The following SLC15A2 variants were observed in gnomAD, a reference collection of about 807,000 sequenced individuals.
SLC15A2 encodes the protein solute carrier family 15 member 2, also known as kidney H(+)/peptide cotransporter.
In SLC15A2, 77 loss-of-function variants were observed where a neutral mutation model predicts 95.5. That is an observed-to-expected ratio of 0.81 (90% CI 0.67 to 0.97). The LOEUF (loss-of-function observed/expected upper bound fraction) is 0.97. Ranked by LOEUF, SLC15A2 falls within the 50% of genes least tolerant of loss-of-function variation. The probability of loss-of-function intolerance (pLI) is 0.00; values close to 1 mark genes in which losing one functional copy is unlikely to be tolerated. For synonymous variants in SLC15A2, 306 were observed against 306.9 expected, an observed-to-expected ratio of 1.00 and a Z score of 0.03; for missense variants, 893 against 874.4, an observed-to-expected ratio of 1.02 and a Z score of -0.27.
intron 2 of SLC15A2, among the ~76,000 whole-genome samples, chr3:121,896,753 A>G (rs1444136279): frequency 6.6e-6 from 1 of 151,848 alleles, no homozygotes; most frequent in Non-Finnish European, 1.5e-5. Context: ...GCTGGGCATG[A>G]TGGCATGTGC....
At position 121,922,277 on chromosome 3, in the gene SLC15A2, T is replaced by G. The variant is rs776010131; in HGVS notation, c.755T>G (p.Val252Gly). The G allele has an allele frequency of 9.9e-6, 16 of 1,613,930 alleles. 1 individual carries two copies. In the South Asian group the frequency reaches 1.8e-4, roughly 18 times the overall value. Residue 252 changes from valine (V) to glycine (G), a missense_variant, in exon 8 of 22, where the codon GTG (valine) becomes GGG (glycine). Coordinates refer to ENST00000489711, the MANE Select transcript of SLC15A2 (RefSeq NM_021082.4). ...AAACCACCCCCTGAAGGAAACATAG[T>G]GGCTCAAGTTTTCAAATGTATCTGG... ...YNKPPPEGNI[V>G]AQVFKCIWFA... is the part of the protein sequence containing the mutation.
intron 19 of SLC15A2, among the ~76,000 whole-genome samples, chr3:121,939,037 T>G (rs1383786913): frequency 6.6e-6 from 1 of 152,248 alleles, no homozygotes; most frequent in Non-Finnish European, 1.5e-5. Context: ...GATGCCATTT[T>G]ATGTTTAAAA....
chr3:121,942,121 C>T lies in SLC15A2; in HGVS notation c.*1114C>T, dbSNP rs778872054. On this transcript the variant is annotated 3_prime_UTR_variant, in exon 22 of 22. Transcript: ENST00000489711. The stretch of plus-strand genomic sequence containing the variant: ...TTATTCAAAAAAAGTTACATTAATG[C>T]TCTAGGTTTGAGGTTCTAAAATGGA... 6.6e-6 allele frequency: 1 copy of T among 152,076 alleles called. No homozygotes were observed. Among genetic ancestry groups the T allele is most frequent in the Non-Finnish European group, 1.5e-5 (1 of 68,020 alleles). The allele number at this position is 152,076 out of a possible 1,614,324, so 9.4% of individuals were successfully genotyped here.
At chr3:121,902,392 G>C (rs1709537080) in intron 3 of SLC15A2, among the ~76,000 whole-genome samples, 1 of 151,410 alleles carries the variant, frequency 6.6e-6, no homozygotes, top group Non-Finnish European at 1.5e-5. Context: ...TAAGTTCTAG[G>C]GTACACGTGC....
chr3:121,911,744 G>A, intron 4 of SLC15A2, 78 bp downstream of exon 4: 3 of 955,700 alleles, frequency 3.1e-6, no homozygotes, highest in Non-Finnish European at 5.0e-6. Flanking sequence ...TCTTACCAGA[G>A]ATGTCTCTTT....
intron 7 of SLC15A2, among the ~76,000 whole-genome samples, chr3:121,917,574 A>C (rs1013236754): frequency 2.0e-5 from 3 of 152,010 alleles, no homozygotes; most frequent in Non-Finnish European, 4.4e-5. Context: ...TATGATCCCA[A>C]CTATTTGGGA....
intron 3 of SLC15A2, among the ~76,000 whole-genome samples, chr3:121,901,845 T>TG (rs1709526278): frequency 1.3e-5 from 2 of 148,918 alleles, no homozygotes; most frequent in Non-Finnish European, 3.0e-5. Context: ...GAGTATGTGT[T>TG]TGTGTGTGTG....
intron 13 of SLC15A2, among the ~76,000 whole-genome samples, chr3:121,926,829 AAGCCACAAGGGTGG>A (rs1710132181): frequency 6.6e-6 from 1 of 152,256 alleles, no homozygotes; most frequent in Admixed American, 6.5e-5. Flanking sequence ...GAACTCTGCA[AAGCCACAAGGGTGG>A]AGCTATCCAA....
chr3:121,919,236 C>T (rs533861584), intron 7 of SLC15A2, among the ~76,000 whole-genome samples: 119 of 152,258 alleles, frequency 7.8e-4, no homozygotes, highest in Middle Eastern at 3.4e-3. Flanking sequence ...CTCTTTTATT[C>T]CCGCTGCCCA....
At chr3:121,938,400 G>A (rs972613978) in intron 19 of SLC15A2, among the ~76,000 whole-genome samples, 2 of 152,202 alleles carry the variant, frequency 1.3e-5, no homozygotes, top group Non-Finnish European at 2.9e-5. Context: ...AGACTGCTGT[G>A]CTAGCAATCA....
In SLC15A2 at chr3:121,933,213, A is replaced by T. The variant is rs567051329; in HGVS notation, c.1761+1478A>T. Among the ~76,000 whole-genome samples the T allele has an allele frequency of 9.0e-3, 1,339 of 148,976 alleles. 17 individuals carry two copies. The highest frequency in any genetic ancestry group is 0.023 in the South Asian group (105 of 4,618). On this transcript the variant is annotated intron_variant, in intron 19 of 21. Coordinates refer to ENST00000489711, the MANE Select transcript of SLC15A2 (RefSeq NM_021082.4). The stretch of plus-strand genomic sequence containing the variant: ...TCTTTGCTATTGTGAATAATGCCGC[A>T]ATAAACATATGTGTGCATGTGTCTT...
At chr3:121,938,533 GC>G (rs1324010910) in intron 19 of SLC15A2, among the ~76,000 whole-genome samples, 15 of 152,332 alleles carry the variant, frequency 9.8e-5, no homozygotes, top group East Asian at 5.8e-4. Flanking sequence ...TTTTCCAGGT[GC>G]CGTCTGTCAC....
At chr3:121,931,499 A>G (rs748892936) in intron 18 of SLC15A2, 140 bp from the exon 19 acceptor site, 3 of 568,644 alleles carry the variant, frequency 5.3e-6, no homozygotes, top group Admixed American at 2.9e-5. Flanking sequence ...CTACTCCAAG[A>G]AACATTTCTC....
chr3:121,912,849 T>C (rs538802939), intron 4 of SLC15A2, among the ~76,000 whole-genome samples, 172 bp from the exon 5 acceptor site: 1 of 152,256 alleles, frequency 6.6e-6, no homozygotes, highest in African/African-American at 2.4e-5. Context: ...AATAGGGTAA[T>C]TGACCATGAA....
intron 19 of SLC15A2, among the ~76,000 whole-genome samples, chr3:121,938,755 C>T (rs547611479): frequency 6.6e-5 from 10 of 152,338 alleles, no homozygotes; most frequent in Admixed American, 4.6e-4. Flanking sequence ...AACTGTAGAC[C>T]GGAGCTGTTC....
intron 19 of SLC15A2, among the ~76,000 whole-genome samples, chr3:121,934,868 T>C (rs1003918939): frequency 4.6e-5 from 7 of 151,852 alleles, no homozygotes; most frequent in East Asian, 1.9e-4. Flanking sequence ...GCTTCCAGTT[T>C]TTGCCCATTC....
chr3:121,929,039 C>T lies in SLC15A2; in HGVS notation c.1399C>T (p.His467Tyr). ...AACAAAAAGCCAGGATTTTCACTTC[C>T]ACCTGAAATATCACAATTTGTCTCT... is the stretch of plus-strand genomic sequence containing the variant. ...LKTKSQDFHF[H>Y]LKYHNLSLYT... The change falls in exon 16 of 22, where the codon CAC becomes TAC. Residue 467 changes from histidine (H) to tyrosine (Y), a missense_variant. Coordinates refer to ENST00000489711, the MANE Select transcript of SLC15A2 (RefSeq NM_021082.4). 1.2e-6 allele frequency: 2 copies of T among 1,614,106 alleles called. No homozygotes were observed. The highest frequency in any genetic ancestry group is 1.1e-5 in the South Asian group (1 of 91,070).
At chr3:121,926,091 T>C (rs1710116396) in intron 13 of SLC15A2, among the ~76,000 whole-genome samples, 1 of 151,802 alleles carries the variant, frequency 6.6e-6, no homozygotes, top group Non-Finnish European at 1.5e-5. Flanking sequence ...GAAAGAAGAA[T>C]GTATGAAGGG....
At chr3:121,915,374 T>C in intron 6 of SLC15A2, 57 bp downstream of exon 6, 2 of 1,166,768 alleles carry the variant, frequency 1.7e-6, no homozygotes, top group South Asian at 2.5e-5. Context: ...GCCAAAAAGC[T>C]GTTCAAGGCT....
Sources: gnomAD v4.1 joint callset for allele counts (sites outside exome capture counted in the v4.1 genomes callset) on GRCh38, gnomAD v4.1.1 for gene constraint, MANE v1.5 for transcripts, NCBI Gene and HGNC (gene_info 2026-07-23, HGNC 2026-07-21) for gene names.